The following GRID1 variants were observed in gnomAD, a reference collection of about 807,000 sequenced individuals.
The protein encoded by GRID1 is glutamate ionotropic receptor delta type subunit 1.
Under a neutral mutation model 98.0 loss-of-function variants are expected in GRID1, and 28 were observed. That is an observed-to-expected ratio of 0.29 (90% CI 0.21 to 0.39). The LOEUF (loss-of-function observed/expected upper bound fraction) is 0.39, where lower values mean the gene tolerates loss of function less well. Among genes scored for constraint, GRID1 ranks in the 10% least tolerant of loss-of-function variants. The pLI, the probability that GRID1 is intolerant of heterozygous loss-of-function variation, is 1.00. For missense variants in GRID1, 1,111 were observed against 1,340.5 expected, an observed-to-expected ratio of 0.83 and a Z score of 2.67; for synonymous variants, 553 against 538.5, an observed-to-expected ratio of 1.03 and a Z score of -0.37.
At chr10:85,775,095 G>C (rs1263701003) in intron 8 of GRID1, among the ~76,000 whole-genome samples, 7 of 152,118 alleles carry the variant, frequency 4.6e-5, no homozygotes, top group Non-Finnish European at 1.0e-4. Context: ...ATCAATGATA[G>C]ACTGGATTAA....
At chr10:86,313,341 A>G (rs1847857303) in intron 2 of GRID1, among the ~76,000 whole-genome samples, 1 of 152,252 alleles carries the variant, frequency 6.6e-6, no homozygotes, top group African/African-American at 2.4e-5. Context: ...AGATGTTGAC[A>G]GATAAGGATA....
chr10:86,305,201 G>A (rs1263833916), intron 2 of GRID1, among the ~76,000 whole-genome samples: 3 of 151,956 alleles, frequency 2.0e-5, no homozygotes, highest in East Asian at 3.9e-4. Context: ...CTCTCCCCAG[G>A]TCTCCAGCCT....
intron 4 of GRID1, among the ~76,000 whole-genome samples, chr10:86,084,767 G>C (rs1476592286): frequency 6.6e-6 from 1 of 152,190 alleles, no homozygotes; most frequent in African/African-American, 2.4e-5. Flanking sequence ...GCTAAGTGCA[G>C]TAAGCCGCTC....
chr10:86,066,403 T>C (rs1052939859), intron 4 of GRID1, among the ~76,000 whole-genome samples: 1 of 152,166 alleles, frequency 6.6e-6, no homozygotes, highest in Admixed American at 6.5e-5. Flanking sequence ...CAATGGGCTG[T>C]GTGCCAGGGG....
chr10:85,814,096 T>C (rs67871385), intron 8 of GRID1, among the ~76,000 whole-genome samples: 16,913 of 151,804 alleles, frequency 0.11, 1,738 homozygotes, highest in East Asian at 0.32. Context: ...CCCAACTCTA[T>C]CAATAATTAC....
chr10:86,189,745 G>C lies in GRID1; in HGVS notation c.520+16619C>G, dbSNP rs536648970. On this transcript the variant is annotated intron_variant, in intron 3 of 15. Transcript: ENST00000327946. ...TGGCCTCTACCCACTGAGGCCACTAGTACTCCTCCCTATCCCCTGTTATGA... is the reference window on the plus strand; with the variant it reads ...TGGCCTCTACCCACTGAGGCCACTACTACTCCTCCCTATCCCCTGTTATGA... Among the ~76,000 whole-genome samples, 151 of 152,212 alleles carry C rather than the reference G, an allele frequency of 9.9e-4. 2 individuals are homozygous for C. The South Asian group carries it at 0.028, about 29-fold the overall frequency.
chr10:85,762,974 A>G (rs988537905), intron 8 of GRID1, among the ~76,000 whole-genome samples: 2 of 152,158 alleles, frequency 1.3e-5, no homozygotes, highest in African/African-American at 4.8e-5. Flanking sequence ...CAAACCCCAC[A>G]CTATTTCTGG....
chr10:86,223,860 G>A (rs150988066), intron 2 of GRID1, among the ~76,000 whole-genome samples: 6 of 151,174 alleles, frequency 4.0e-5, no homozygotes, highest in East Asian at 1.9e-4. Context: ...GATGACAGAC[G>A]AGGGACCAGC....
intron 4 of GRID1, among the ~76,000 whole-genome samples, chr10:85,920,827 T>G (rs967159145): frequency 5.9e-5 from 9 of 152,202 alleles, no homozygotes; most frequent in Non-Finnish European, 1.2e-4. Flanking sequence ...GCTGGTTCCC[T>G]GCTGTCTGCA....
chr10:86,268,314 C>A (rs11201959), intron 2 of GRID1, among the ~76,000 whole-genome samples: 34,300 of 152,180 alleles, frequency 0.23, 4,385 homozygotes, highest in African/African-American at 0.35. Context: ...CAAGCTGGTT[C>A]CAGCTTCCCG....
At chr10:86,201,145 A>G (rs1009007363) in intron 3 of GRID1, among the ~76,000 whole-genome samples, 1 of 152,254 alleles carries the variant, frequency 6.6e-6, no homozygotes. Flanking sequence ...TTTTGGTAAT[A>G]ACAAAATCCT....
intron 8 of GRID1, among the ~76,000 whole-genome samples, chr10:85,775,762 C>A (rs189267663): frequency 8.5e-5 from 13 of 152,216 alleles, no homozygotes; most frequent in Admixed American, 2.0e-4. Flanking sequence ...TGAGAAATAT[C>A]TATTCCAATT....
At chr10:86,015,293 ATTTGGCTTTCC>A (rs1252528958) in intron 4 of GRID1, among the ~76,000 whole-genome samples, 3 of 152,222 alleles carry the variant, frequency 2.0e-5, no homozygotes, top group South Asian at 2.1e-4. Flanking sequence ...TGTCGTGAAC[ATTTGGCTTTCC>A]TTTGGCTTTC....
At position 85,600,793 on chromosome 10, in the gene GRID1, G is replaced by A. The variant is rs1221865707; in HGVS notation, c.*1480C>T. 6.6e-6 allele frequency: 1 copy of A among 152,270 alleles called. No individual in the cohort carries two copies. Among genetic ancestry groups the A allele is most frequent in the Admixed American group, 6.5e-5 (1 of 15,282 alleles). The allele number at this position is 152,270 out of a possible 1,614,324, so 9.4% of individuals were successfully genotyped here. The stretch of plus-strand genomic sequence containing the variant: ...CTGAAGGAGGGGGCGCTGTTAGGTG[G>A]TCCTAGGCTTAGAAAACTGGGCTTC... On this transcript the variant is annotated 3_prime_UTR_variant, in exon 16 of 16. Coordinates refer to ENST00000327946, the MANE Select transcript of GRID1 (RefSeq NM_017551.3).
At chr10:85,834,750 C>G (rs1168756749) in intron 8 of GRID1, among the ~76,000 whole-genome samples, 1 of 151,854 alleles carries the variant, frequency 6.6e-6, no homozygotes, top group African/African-American at 2.4e-5. Context: ...GTCAGAGCAA[C>G]CACTAAGAAA....
chr10:86,103,980 G>A (rs191661451), intron 4 of GRID1, among the ~76,000 whole-genome samples: 34 of 152,218 alleles, frequency 2.2e-4, no homozygotes, highest in African/African-American at 6.7e-4. Context: ...TCCCCCTGCC[G>A]CACTTCCCTC....
intron 12 of GRID1, among the ~76,000 whole-genome samples, chr10:85,709,460 T>C (rs949465555): frequency 6.6e-6 from 1 of 152,182 alleles, no homozygotes; most frequent in African/African-American, 2.4e-5. Context: ...TAGTGGAACA[T>C]ACAACATATA....
intron 8 of GRID1, among the ~76,000 whole-genome samples, chr10:85,778,143 G>A (rs1842348994): frequency 1.3e-5 from 2 of 152,172 alleles, no homozygotes; most frequent in Non-Finnish European, 2.9e-5. Flanking sequence ...GGGTTCTGAG[G>A]AGCACACACA....
At chr10:85,789,526 T>C (rs963532821) in intron 8 of GRID1, among the ~76,000 whole-genome samples, 4 of 152,188 alleles carry the variant, frequency 2.6e-5, no homozygotes, top group Admixed American at 2.6e-4. Context: ...CAAAGCTCCC[T>C]GTGCAGTGCC....
Sources: allele counts gnomAD v4.1 joint callset (sites outside exome capture counted in the v4.1 genomes callset), GRCh38; gene constraint gnomAD v4.1.1; transcripts MANE v1.5; gene names NCBI Gene and HGNC (gene_info 2026-07-23, HGNC 2026-07-21).